Variants in SPECC1 observed in about 807,000 individuals in gnomAD.
SPECC1 encodes cytospin-B.
SPECC1 carries 62 observed loss-of-function variants against 104.1 expected under a neutral mutation model. The observed-to-expected ratio is 0.60, with a 90% CI of 0.49 to 0.74. SPECC1 has a LOEUF of 0.74. SPECC1 is among the 30% of genes least tolerant of loss of function. The pLI is 0.00. For synonymous variants in SPECC1, 513 were observed against 501.6 expected (o/e 1.02, Z -0.30); for missense variants, 1,306 against 1,310.5 (o/e 1.00, Z 0.05).
intron 1 of SPECC1, among the ~76,000 whole-genome samples, chr17:20,049,131 G>A (rs1230677625): frequency 2.0e-5 from 3 of 152,000 alleles, no homozygotes; most frequent in African/African-American, 4.8e-5. Context: ...TTTGATAGAC[G>A]CTGCCAGATT....
intron 4 of SPECC1, among the ~76,000 whole-genome samples, chr17:20,206,208 T>G (rs189424559): frequency 5.1e-4 from 78 of 152,334 alleles, no homozygotes; most frequent in African/African-American, 1.8e-3. Context: ...TCTAGTCTAG[T>G]GCAAAGGAGG....
In SPECC1 at chr17:20,317,055, ATT is replaced by A. The variant is rs35118209; in HGVS notation, c.*3003_*3004del. 4,809 of 175,276 alleles carry A rather than the reference ATT, an allele frequency of 0.027. 19 individuals are homozygous for A. The highest frequency in any genetic ancestry group is 0.096 in the East Asian group (931 of 9,698). 10.9% of individuals were successfully genotyped at this position (175,276 alleles called of 1,614,324 possible). ...AACTCCAGGAGTTTCCCCGACTACC[ATT>A]TTTTTTTTTTTTATTTGCCAGTGGT... On this transcript the variant is annotated 3_prime_UTR_variant, in exon 15 of 15. Coordinates refer to ENST00000395527, the MANE Select transcript of SPECC1 (RefSeq NM_001243439.2).
intron 1 of SPECC1, among the ~76,000 whole-genome samples, chr17:20,019,638 G>T (rs1324621776): frequency 6.6e-6 from 1 of 152,168 alleles, no homozygotes; most frequent in East Asian, 1.9e-4. Context: ...AGTTGAGATT[G>T]GGTTCTGTGC....
chr17:20,121,733 G>T (rs1402932396), intron 3 of SPECC1, among the ~76,000 whole-genome samples: 1 of 152,206 alleles, frequency 6.6e-6, no homozygotes, highest in African/African-American at 2.4e-5. Flanking sequence ...TTCCTTGTGT[G>T]CAGGGTCCTC....
At chr17:20,298,946 A>AGTGTGTGTGTGTGTGT (rs1199023279) in intron 13 of SPECC1, among the ~76,000 whole-genome samples, 1 of 45,794 alleles carries the variant, frequency 2.2e-5, no homozygotes, top group African/African-American at 1.3e-4. Context: ...AGAGAGAGAG[A>AGTGTGTGTGTGTGTGT]GAGTGTGTGT....
At chr17:20,117,213 C>A (rs1229839414) in intron 3 of SPECC1, among the ~76,000 whole-genome samples, 1 of 151,808 alleles carries the variant, frequency 6.6e-6, no homozygotes, top group African/African-American at 2.4e-5. Flanking sequence ...AGCTGGATCC[C>A]TATCTCATTC....
chr17:20,155,803 C>T (rs563085983), intron 3 of SPECC1: 130 of 541,890 alleles, frequency 2.4e-4, no homozygotes, highest in Non-Finnish European at 3.0e-4. Context: ...CGGGCGGAGG[C>T]CTGCAGCCGG....
chr17:20,155,305 G>A (rs970981992), intron 3 of SPECC1: 1 of 152,174 alleles, frequency 6.6e-6, no homozygotes, highest in African/African-American at 2.4e-5. Context: ...GTTGATGCGT[G>A]ACACCTGAGA....
At chr17:20,066,910 A>ATTT (rs2046376505) in intron 1 of SPECC1, among the ~76,000 whole-genome samples, 1 of 114,932 alleles carries the variant, frequency 8.7e-6, no homozygotes, top group Non-Finnish European at 2.0e-5. Context: ...TGGCTAATCA[A>ATTT]ATTTTTTTTT....
chr17:20,222,708 T>A (rs1446740122), intron 4 of SPECC1, among the ~76,000 whole-genome samples: 3 of 152,244 alleles, frequency 2.0e-5, no homozygotes. Context: ...CTGTTACCAA[T>A]GAGTTTTGTA....
rs1323092323 is a variant in SPECC1, at chr17:20,194,504, T to TATTA, written c.284-9829_284-9828insATTA. On this transcript the variant is annotated intron_variant, in intron 3 of 14. Transcript: ENST00000395527. The stretch of plus-strand genomic sequence containing the variant: ...TGTTCTGTTAGAAAAGAGAACGAAT[T>TATTA]TTTTTTTTTTTTTTTTTTTTTGAGA... Among the ~76,000 whole-genome samples, 37 of 107,700 alleles carry TATTA rather than the reference T, an allele frequency of 3.4e-4. No homozygotes were observed. The East Asian group carries it at 4.0e-3, about 12-fold the overall frequency. 70.7% of individuals were successfully genotyped at this position (107,700 alleles called of 152,430 possible).
At chr17:20,156,770 T>C (rs897512798) in intron 3 of SPECC1, among the ~76,000 whole-genome samples, 9 of 152,286 alleles carry the variant, frequency 5.9e-5, no homozygotes, top group African/African-American at 1.7e-4. Flanking sequence ...CAGTCCTGAG[T>C]GAGCTTCGTG....
chr17:20,204,550 G>A lies in SPECC1; in HGVS notation c.501G>A (p.Glu167=). The A allele has an allele frequency of 1.2e-6, 2 of 1,614,186 alleles. No individual in the cohort carries two copies. Among genetic ancestry groups the A allele is most frequent in the Non-Finnish European group, 1.7e-6 (2 of 1,180,034 alleles). ...ENEGGEKAAL[E]SQVRELLAEA... ...AAGGTGGAGAAAAGGCTGCGCTTGA[G>A]TCCCAAGTTCGGGAACTTTTGGCAG... The change falls in exon 4 of 15, where the codon GAG becomes GAA. Residue 167 remains glutamate, a synonymous_variant. Transcript: ENST00000395527.
chr17:20,087,796 G>A (rs753658423), intron 1 of SPECC1, among the ~76,000 whole-genome samples: 17 of 152,162 alleles, frequency 1.1e-4, no homozygotes, highest in Admixed American at 3.9e-4. Flanking sequence ...GCAGATAATC[G>A]ATGGCAGTGA....
chr17:20,076,705 G>A (rs1032637820), intron 1 of SPECC1, among the ~76,000 whole-genome samples: 17 of 152,146 alleles, frequency 1.1e-4, no homozygotes, highest in African/African-American at 3.9e-4. Flanking sequence ...TCAGATGTGG[G>A]ATTACTGGGT....
At chr17:20,268,156 A>G (rs1184488946) in intron 12 of SPECC1, among the ~76,000 whole-genome samples, 1 of 152,268 alleles carries the variant, frequency 6.6e-6, no homozygotes, top group East Asian at 1.9e-4. Context: ...TTGAAAATGT[A>G]TCTGTATCTG....
intron 1 of SPECC1, among the ~76,000 whole-genome samples, chr17:20,045,168 C>T (rs1368748282): frequency 6.6e-6 from 1 of 151,196 alleles, no homozygotes; most frequent in East Asian, 1.9e-4. Flanking sequence ...ATTTTTTTTT[C>T]CAGAAATTAG....
intron 13 of SPECC1, among the ~76,000 whole-genome samples, chr17:20,305,397 T>C (rs1241017617): frequency 2.0e-5 from 3 of 152,174 alleles, no homozygotes; most frequent in Non-Finnish European, 4.4e-5. Flanking sequence ...CAAACATAGC[T>C]AATATTAATA....
intron 3 of SPECC1, among the ~76,000 whole-genome samples, chr17:20,127,068 G>A (rs1432990984): frequency 6.6e-6 from 1 of 152,166 alleles, no homozygotes; most frequent in Non-Finnish European, 1.5e-5. Flanking sequence ...ATCATCTAAT[G>A]TGCTTTGCTT....
Sources: allele counts gnomAD v4.1 joint callset (sites outside exome capture counted in the v4.1 genomes callset), GRCh38; gene constraint gnomAD v4.1.1; transcripts MANE v1.5; gene names NCBI Gene and HGNC (gene_info 2026-07-23, HGNC 2026-07-21).